Variants in PKN2 observed in about 807,000 individuals in gnomAD.
PKN2 encodes protein kinase N2.
Under a neutral mutation model 119.1 loss-of-function variants are expected in PKN2, and 38 were observed. The observed-to-expected ratio is 0.32, with a 90% CI of 0.25 to 0.42. The LOEUF is 0.42. Ranked by LOEUF, PKN2 falls within the 10% of genes least tolerant of loss-of-function variation. The pLI, the probability that PKN2 is intolerant of heterozygous loss-of-function variation, is 1.00. For synonymous variants in PKN2, 390 were observed against 384.9 expected, an observed-to-expected ratio of 1.01 and a Z score of -0.15; for missense variants, 850 against 1,165.1, an observed-to-expected ratio of 0.73 and a Z score of 3.94.
At chr1:88,785,295 A>T (rs1277571962) in intron 7 of PKN2, among the ~76,000 whole-genome samples, 1 of 151,226 alleles carries the variant, frequency 6.6e-6, no homozygotes, top group Non-Finnish European at 1.5e-5. Flanking sequence ...TGCCTGGCTA[A>T]TTTTTTTTTC....
chr1:88,774,621 G>T (rs1670016692), intron 6 of PKN2, among the ~76,000 whole-genome samples: 3 of 145,934 alleles, frequency 2.1e-5, no homozygotes, highest in South Asian at 4.3e-4. Context: ...CATTTTGCGG[G>T]TTTTTTTTTT....
At chr1:88,781,204 A>C in intron 6 of PKN2, 5 of 1,245,220 alleles carry the variant, frequency 4.0e-6, no homozygotes, top group Non-Finnish European at 5.2e-6. Flanking sequence ...GCATGCTATT[A>C]TTTGTGGTTC....
In PKN2 at chr1:88,798,561, A is replaced by G. The variant is rs527362980; in HGVS notation, c.1282-5830A>G. Among the ~76,000 whole-genome samples, 49 of 152,304 alleles carry G rather than the reference A, an allele frequency of 3.2e-4. 1 individual carries two copies. The highest frequency in any genetic ancestry group is 1.2e-3 in the African/African-American group (49 of 41,574). ...TTCTGAAATGGAAAACTAAGAGGAT[A>G]TGTTAAAGAAAAGAAGAGAGAGTTA... On this transcript the variant is annotated intron_variant, in intron 8 of 21. Coordinates refer to ENST00000370521, the MANE Select transcript of PKN2 (RefSeq NM_006256.4).
chr1:88,756,165 G>A (rs867024963), intron 2 of PKN2, among the ~76,000 whole-genome samples: 12 of 151,932 alleles, frequency 7.9e-5, no homozygotes, highest in African/African-American at 1.9e-4. Context: ...CAAAGTGCTG[G>A]GATTACAGGT....
At chr1:88,785,968 CAA>C in intron 7 of PKN2, 134 bp from the exon 8 acceptor site, 1 of 573,926 alleles carries the variant, frequency 1.7e-6, no homozygotes, top group East Asian at 2.9e-5. Context: ...ATTTAAGATT[CAA>C]AAGTTTTAAT....
intron 18 of PKN2, among the ~76,000 whole-genome samples, chr1:88,827,600 CTCCCTTCCCTCCCCTTCCCT>C (rs1672550911): frequency 8.1e-6 from 1 of 124,172 alleles, no homozygotes; most frequent in Middle Eastern, 4.2e-3. Context: ...AACCTGTACT[CTCCCTTCCCTCCCCTTCCCT>C]TCCCTTCCCT....
At chr1:88,809,324 G>A (rs1167585560) in intron 15 of PKN2, among the ~76,000 whole-genome samples, 1 of 152,124 alleles carries the variant, frequency 6.6e-6, no homozygotes, top group Non-Finnish European at 1.5e-5. Flanking sequence ...TCCCACCAAA[G>A]CAAGTCTTTG....
chr1:88,813,225 A>G (rs1172085494), intron 15 of PKN2, among the ~76,000 whole-genome samples: 1 of 152,144 alleles, frequency 6.6e-6, no homozygotes, highest in Non-Finnish European at 1.5e-5. Context: ...TAAATTGCTA[A>G]ATTCTCTGAC....
chr1:88,777,923 C>T (rs1043094593), intron 6 of PKN2, among the ~76,000 whole-genome samples: 2 of 152,170 alleles, frequency 1.3e-5, no homozygotes, highest in Non-Finnish European at 2.9e-5. Flanking sequence ...GAGGTTTCAT[C>T]TACAAAATGA....
At chr1:88,756,248 A>G (rs1669197150) in intron 2 of PKN2, among the ~76,000 whole-genome samples, 1 of 152,150 alleles carries the variant, frequency 6.6e-6, no homozygotes, top group African/African-American at 2.4e-5. Context: ...AATCTATTAT[A>G]TAGTATCTCT....
chr1:88,739,455 A>C (rs1021843613), intron 1 of PKN2, among the ~76,000 whole-genome samples: 1 of 152,194 alleles, frequency 6.6e-6, no homozygotes, highest in Admixed American at 6.5e-5. Flanking sequence ...ATGATACATA[A>C]TTTTTAGAAA....
chr1:88,767,929 G>A (rs1669731568), intron 3 of PKN2, among the ~76,000 whole-genome samples: 1 of 152,132 alleles, frequency 6.6e-6, no homozygotes, highest in Admixed American at 6.5e-5. Flanking sequence ...CATCAAGCGT[G>A]TCTCTTGGGT....
Position 88,770,597 on chromosome 1 carries a change from T to C in PKN2, c.622+128T>C, listed in dbSNP as rs1031144443. On this transcript the variant is annotated intron_variant, in intron 4 of 21. Coordinates refer to ENST00000370521, the MANE Select transcript of PKN2 (RefSeq NM_006256.4). ...TATTACTTTTTTTTTTTTTTCTTTT[T>C]TTTTTTGAGACGGAGTCTCGCTCTG... is the stretch of plus-strand genomic sequence containing the variant. The C allele has an allele frequency of 4.0e-4, 248 of 621,616 alleles. 1 individual carries two copies. The highest frequency in any genetic ancestry group is 6.3e-4 in the South Asian group (29 of 46,256). The allele number at this position is 621,616 out of a possible 1,614,324, so 38.5% of individuals were successfully genotyped here.
intron 8 of PKN2, among the ~76,000 whole-genome samples, chr1:88,788,565 C>T (rs529348566): frequency 1.3e-5 from 2 of 152,146 alleles, no homozygotes; most frequent in Admixed American, 1.3e-4. Context: ...CCTGCCTTAG[C>T]CTCCTAAGTA....
At chr1:88,773,932 T>C (rs1216979019) in intron 6 of PKN2, among the ~76,000 whole-genome samples, 1 of 152,054 alleles carries the variant, frequency 6.6e-6, no homozygotes, top group African/African-American at 2.4e-5. Context: ...AGCAGCAAAT[T>C]TAGAGTTTCC....
chr1:88,744,540 C>T (rs1052683340), intron 2 of PKN2, among the ~76,000 whole-genome samples: 3 of 152,200 alleles, frequency 2.0e-5, no homozygotes, highest in African/African-American at 7.2e-5. Flanking sequence ...CCTGCCTCAG[C>T]CTCCCGAGTA....
At chr1:88,808,604 C>T (rs775631187) in intron 15 of PKN2, among the ~76,000 whole-genome samples, 2 of 151,964 alleles carry the variant, frequency 1.3e-5, no homozygotes, top group Non-Finnish European at 2.9e-5. Flanking sequence ...GTGCCCGGCC[C>T]CACAATTATT....
intron 16 of PKN2, 140 bp from the exon 17 acceptor site, chr1:88,821,801 C>T (rs776236768): frequency 4.9e-5 from 30 of 617,086 alleles, no homozygotes; most frequent in Non-Finnish European, 7.0e-5. Flanking sequence ...ATATCTAGCA[C>T]AATGTGATAC....
intron 18 of PKN2, among the ~76,000 whole-genome samples, chr1:88,827,633 C>G (rs924000601): frequency 7.1e-6 from 1 of 140,558 alleles, no homozygotes; most frequent in Non-Finnish European, 1.5e-5. Context: ...CCTTCCCTTC[C>G]CTTCCCTCCC....
Sources: gnomAD v4.1 joint callset for allele counts (sites outside exome capture counted in the v4.1 genomes callset) on GRCh38, gnomAD v4.1.1 for gene constraint, MANE v1.5 for transcripts, NCBI Gene and HGNC (gene_info 2026-07-23, HGNC 2026-07-21) for gene names.